The following CDH13 variants were observed in gnomAD, a reference collection of about 807,000 sequenced individuals.
The protein encoded by CDH13 is cadherin 13.
In CDH13, 24 loss-of-function variants were observed where a neutral mutation model predicts 63.8. The observed-to-expected ratio is 0.38, with a 90% confidence interval of 0.27 to 0.53. The LOEUF (loss-of-function observed/expected upper bound fraction) is 0.53, where lower values mean the gene tolerates loss of function less well. Ranked by LOEUF, CDH13 falls within the 20% of genes least tolerant of loss-of-function variation. The pLI is 0.85. For synonymous variants in CDH13, 503 were observed against 355.3 expected (o/e 1.42, Z -4.67); for missense variants, 1,049 against 903.1 (o/e 1.16, Z -2.07).
intron 6 of CDH13, among the ~76,000 whole-genome samples, chr16:83,472,130 A>G (rs954167035): frequency 6.6e-6 from 1 of 152,150 alleles, no homozygotes; most frequent in Non-Finnish European, 1.5e-5. Context: ...TCCATGCACC[A>G]ACCCCATCAG....
intron 2 of CDH13, among the ~76,000 whole-genome samples, chr16:82,992,191 C>G (rs1436522981): frequency 2.0e-5 from 3 of 152,130 alleles, no homozygotes; most frequent in East Asian, 1.9e-4. Flanking sequence ...CTAGTCCAGC[C>G]TCTGTTGTGA....
chr16:83,456,433 C>A (rs1156231411), intron 6 of CDH13, among the ~76,000 whole-genome samples: 1 of 152,168 alleles, frequency 6.6e-6, no homozygotes, highest in Non-Finnish European at 1.5e-5. Flanking sequence ...CCTGAGGGGT[C>A]AGTTGCAGTA....
chr16:83,733,167 G>A (rs3826122), intron 10 of CDH13, among the ~76,000 whole-genome samples: 30,533 of 152,206 alleles, frequency 0.2, 3,307 homozygotes, highest in African/African-American at 0.29. Flanking sequence ...CTGGAAATCA[G>A]TACACAGGGC....
chr16:83,589,283 C>CT (rs1395752568), intron 7 of CDH13, among the ~76,000 whole-genome samples: 3 of 125,016 alleles, frequency 2.4e-5, no homozygotes, highest in Non-Finnish European at 5.2e-5. Flanking sequence ...CCCTTTCCCC[C>CT]CCCCGGACCC....
At chr16:83,453,265 T>C (rs973618868) in intron 6 of CDH13, among the ~76,000 whole-genome samples, 2 of 152,142 alleles carry the variant, frequency 1.3e-5, no homozygotes, top group African/African-American at 4.8e-5. Context: ...TTGAGTTCAG[T>C]GTACACTGCT....
chr16:83,465,923 G>T (rs1289319967), intron 6 of CDH13, among the ~76,000 whole-genome samples: 2 of 152,194 alleles, frequency 1.3e-5, no homozygotes, highest in Admixed American at 1.3e-4. Flanking sequence ...TGGAATCACA[G>T]ACACTGCAAG....
intron 2 of CDH13, among the ~76,000 whole-genome samples, chr16:82,939,030 A>C (rs1156799102): frequency 6.6e-6 from 1 of 152,194 alleles, no homozygotes; most frequent in Non-Finnish European, 1.5e-5. Flanking sequence ...ACATCCTGCA[A>C]TGGGAGGTTG....
chr16:83,625,360 C>G (rs902987837), intron 8 of CDH13, among the ~76,000 whole-genome samples: 13 of 152,178 alleles, frequency 8.5e-5, no homozygotes, highest in Non-Finnish European at 1.0e-4. Context: ...CGCATGTACC[C>G]TGTTTAAAGG....
At position 83,379,012 on chromosome 16, in the gene CDH13, C is replaced by G. The variant is rs963764827; in HGVS notation, c.781+34006C>G. Among the ~76,000 whole-genome samples the G allele has an allele frequency of 8.2e-5, 12 of 146,196 alleles. No homozygotes were observed. The South Asian group carries it at 2.2e-3, about 26-fold the overall frequency. On this transcript the variant is annotated intron_variant, in intron 6 of 13. Transcript: ENST00000567109. ...GCATCTATATATATATATATACACA[C>G]ACACACACACACACGTGTGTGTATA...
chr16:83,263,608 C>T (rs769086273), intron 5 of CDH13, among the ~76,000 whole-genome samples: 23 of 152,178 alleles, frequency 1.5e-4, no homozygotes, highest in Non-Finnish European at 2.6e-4. Context: ...ATATGATCTT[C>T]GTGATGTGGT....
At chr16:83,508,625 T>G (rs2074480362) in intron 7 of CDH13, among the ~76,000 whole-genome samples, 1 of 152,106 alleles carries the variant, frequency 6.6e-6, no homozygotes, top group South Asian at 2.1e-4. Flanking sequence ...CGAGATATGT[T>G]CTCCCGAGTC....
intron 1 of CDH13, among the ~76,000 whole-genome samples, chr16:82,658,115 T>C (rs541813235): frequency 6.6e-6 from 1 of 152,210 alleles, no homozygotes; most frequent in African/African-American, 2.4e-5. Context: ...AGAGTTATTA[T>C]GAGTATTGAT....
intron 7 of CDH13, among the ~76,000 whole-genome samples, chr16:83,583,210 C>A: frequency 6.6e-6 from 1 of 152,140 alleles, no homozygotes; most frequent in East Asian, 1.9e-4. Context: ...AGATTTAGGG[C>A]ACACCCAGCT....
chr16:82,737,904 G>T (rs2033753414), intron 1 of CDH13, among the ~76,000 whole-genome samples: 1 of 152,190 alleles, frequency 6.6e-6, no homozygotes, highest in Non-Finnish European at 1.5e-5. Flanking sequence ...CATAATCAAG[G>T]CTTCCAATAT....
chr16:83,201,693 C>G (rs949131135), intron 4 of CDH13, among the ~76,000 whole-genome samples: 1 of 150,652 alleles, frequency 6.6e-6, no homozygotes, highest in African/African-American at 2.4e-5. Context: ...GTCAGGAGAT[C>G]GAGACCATCC....
chr16:82,844,446 A>AAAAAAAAAAAATAAAAAT (rs2039165388), intron 1 of CDH13: 1 of 151,296 alleles, frequency 6.6e-6, no homozygotes, highest in East Asian at 2.0e-4. Flanking sequence ...CTAAAAATAC[A>AAAAAAAAAAAATAAAAAT]AAAAATTAGC....
At chr16:83,447,676 A>C (rs982722551) in intron 6 of CDH13, among the ~76,000 whole-genome samples, 10 of 152,014 alleles carry the variant, frequency 6.6e-5, no homozygotes, top group African/African-American at 2.2e-4. Flanking sequence ...TATCAAGGTG[A>C]CAAAAGGGTA....
chr16:83,013,869 A>G (rs535800151), intron 2 of CDH13, among the ~76,000 whole-genome samples: 103 of 152,312 alleles, frequency 6.8e-4, no homozygotes, highest in Non-Finnish European at 1.3e-3. Flanking sequence ...TCCAAAAGAC[A>G]GAAGGAGGGT....
chr16:82,870,910 G>T (rs566989363), intron 2 of CDH13, among the ~76,000 whole-genome samples: 1 of 152,012 alleles, frequency 6.6e-6, no homozygotes, highest in East Asian at 1.9e-4. Context: ...GCTTGCTATG[G>T]CCCTCCAATA....
Sources: allele counts gnomAD v4.1 joint callset (sites outside exome capture counted in the v4.1 genomes callset), GRCh38; gene constraint gnomAD v4.1.1; transcripts MANE v1.5; gene names NCBI Gene and HGNC (gene_info 2026-07-23, HGNC 2026-07-21).